The following GAREM1 variants were observed in gnomAD, a reference collection of about 807,000 sequenced individuals.
The protein encoded by GAREM1 is GRB2-associated and regulator of MAPK protein 1.
A neutral mutation model predicts 71.3 loss-of-function variants in GAREM1; 26 were observed. The ratio of observed to expected loss-of-function variants is 0.36; its 90% CI spans 0.27 to 0.51. The LOEUF (loss-of-function observed/expected upper bound fraction) is 0.51. Among genes scored for constraint, GAREM1 ranks in the 20% least tolerant of loss-of-function variants. GAREM1 has a pLI of 0.95. For missense variants in GAREM1, 1,026 were observed against 1,103.1 expected, an observed-to-expected ratio of 0.93 and a Z score of 0.99; for synonymous variants, 440 against 433.2, an observed-to-expected ratio of 1.02 and a Z score of -0.20.
At chr18:32,361,132 C>A (rs2047861187) in intron 2 of GAREM1, among the ~76,000 whole-genome samples, 1 of 152,172 alleles carries the variant, frequency 6.6e-6, no homozygotes, top group African/African-American at 2.4e-5. Flanking sequence ...GTTTTTCTTT[C>A]TTCCCTGACA....
intron 1 of GAREM1, chr18:32,413,327 C>CA (rs2048438495): frequency 1.2e-6 from 1 of 866,422 alleles, no homozygotes; most frequent in East Asian, 2.5e-5. Context: ...GCCTTAAAAA[C>CA]AAAACCACAT....
chr18:32,377,072 C>G (rs2034968), intron 2 of GAREM1, among the ~76,000 whole-genome samples: 31,465 of 151,964 alleles, frequency 0.21, 3,976 homozygotes, highest in African/African-American at 0.35. Flanking sequence ...GCACAAAAAA[C>G]GTTAGGCAAC....
intron 1 of GAREM1, among the ~76,000 whole-genome samples, chr18:32,457,226 A>AGTGTGTGTGTGTGTGT (rs566379367): frequency 6.1e-5 from 5 of 81,924 alleles, no homozygotes; most frequent in African/African-American, 1.3e-4. Flanking sequence ...AGAGAGAGAG[A>AGTGTGTGTGTGTGTGT]GTGTGTGTGT....
chr18:32,424,630 C>T (rs1341776323), intron 1 of GAREM1, among the ~76,000 whole-genome samples: 1 of 152,082 alleles, frequency 6.6e-6, no homozygotes, highest in Non-Finnish European at 1.5e-5. Flanking sequence ...TATCAAGATA[C>T]TGTATATATT....
At chr18:32,269,589 T>C (rs1420046292) in intron 5 of GAREM1, among the ~76,000 whole-genome samples, 2 of 152,240 alleles carry the variant, frequency 1.3e-5, no homozygotes. Flanking sequence ...GGGATGGACC[T>C]ATTTTTGTTT....
At chr18:32,452,954 G>A (rs1021373628) in intron 1 of GAREM1, among the ~76,000 whole-genome samples, 30 of 151,844 alleles carry the variant, frequency 2.0e-4, no homozygotes, top group African/African-American at 7.3e-4. Flanking sequence ...GTGTGCTTGA[G>A]TATGTGTCTT....
chr18:32,290,893 A>C (rs1219347449), intron 3 of GAREM1, among the ~76,000 whole-genome samples: 2 of 152,212 alleles, frequency 1.3e-5, no homozygotes, highest in African/African-American at 4.8e-5. Context: ...GTGAGAATAC[A>C]GCATGATACA....
chr18:32,331,749 G>C (rs1045991665), intron 2 of GAREM1: 2 of 152,064 alleles, frequency 1.3e-5, no homozygotes, highest in Admixed American at 1.3e-4. Context: ...GGTCACAATT[G>C]TATTGTTAGA....
intron 1 of GAREM1, chr18:32,413,097 T>C: frequency 6.5e-7 from 1 of 1,534,002 alleles, no homozygotes. Flanking sequence ...CAGGCTCTCA[T>C]CAGTTGTTTC....
Position 32,268,733 on chromosome 18 carries a change from C to G in GAREM1, c.1769G>C (p.Ser590Thr). 6.2e-7 allele frequency: 1 copy of G among 1,613,984 alleles called. No individual in the cohort carries two copies. The highest frequency in any genetic ancestry group is 1.1e-5 in the South Asian group (1 of 91,062). The change falls in exon 6 of 6, where the codon AGC becomes ACC. Residue 590 changes from serine (S) to threonine (T), a missense_variant. Ser to Thr is a moderately conservative substitution (Grantham distance 58, BLOSUM62 1). Transcript: ENST00000269209. Reference protein sequence around the residue: ...VTKTDTNPSESTPVSCYPCNR... With the variant: ...VTKTDTNPSETTPVSCYPCNR... ...ACATGGATAGCAGGAAACAGGAGTGCTTTCAGAAGGATTTGTGTCAGTTTT... is the reference window on the plus strand; with the variant it reads ...ACATGGATAGCAGGAAACAGGAGTGGTTTCAGAAGGATTTGTGTCAGTTTT...
At position 32,287,011 on chromosome 18, in the gene GAREM1, CA is replaced by C; in HGVS notation, c.1566+19del. The C allele has an allele frequency of 6.3e-7, 1 of 1,577,522 alleles. No homozygotes were observed. Among genetic ancestry groups the C allele is most frequent in the South Asian group, 1.1e-5 (1 of 89,132 alleles). On this transcript the variant is annotated intron_variant, in intron 4 of 5. Transcript: ENST00000269209. The surrounding 1 kb of genome is among the most constrained non-coding windows in gnomAD (Gnocchi z 5.9). Reference sequence around the variant, plus strand: ...GAGACAGAAAGACTGGCACCGCATTCAAAAACAGAAATGACTTACGGCTTCA... The same window carrying C: ...GAGACAGAAAGACTGGCACCGCATTCAAAACAGAAATGACTTACGGCTTCA...
At chr18:32,348,178 ATTTGAG>A (rs2047714078) in intron 2 of GAREM1, among the ~76,000 whole-genome samples, 1 of 152,216 alleles carries the variant, frequency 6.6e-6, no homozygotes, top group African/African-American at 2.4e-5. Context: ...ATTCACAATG[ATTTGAG>A]TTTATGAATT....
chr18:32,337,194 C>A (rs1028231811), intron 2 of GAREM1, among the ~76,000 whole-genome samples: 1 of 152,146 alleles, frequency 6.6e-6, no homozygotes, highest in Non-Finnish European at 1.5e-5. Context: ...AAAATATTTA[C>A]TTTTTAATGG....
At chr18:32,281,854 C>T (rs887939527) in intron 4 of GAREM1, among the ~76,000 whole-genome samples, 14 of 152,006 alleles carry the variant, frequency 9.2e-5, no homozygotes, top group Non-Finnish European at 1.9e-4. Context: ...CTGAAGTAAC[C>T]GAAGAATCAC....
intron 3 of GAREM1, chr18:32,290,295 A>G (rs1467351935): frequency 1.3e-5 from 2 of 152,100 alleles, no homozygotes; most frequent in Non-Finnish European, 2.9e-5. Flanking sequence ...ACTTGTGTTT[A>G]TTCTGACTCA....
intron 1 of GAREM1, among the ~76,000 whole-genome samples, chr18:32,413,789 A>G (rs1267963417): frequency 6.6e-6 from 1 of 152,144 alleles, no homozygotes; most frequent in Non-Finnish European, 1.5e-5. Context: ...ACCCACCAAA[A>G]CAAACCCCAG....
intron 2 of GAREM1, among the ~76,000 whole-genome samples, chr18:32,369,988 G>A (rs1418657833): frequency 2.6e-5 from 4 of 152,198 alleles, no homozygotes; most frequent in Non-Finnish European, 4.4e-5. Context: ...GCTGCTACAC[G>A]CATCACCAGA....
intron 2 of GAREM1, among the ~76,000 whole-genome samples, chr18:32,311,072 T>C (rs1207038033): frequency 1.3e-5 from 2 of 152,362 alleles, no homozygotes; most frequent in East Asian, 3.9e-4. Context: ...ATTTACAGGA[T>C]TTATGAAGAA....
chr18:32,437,671 G>A (rs1172014795), intron 1 of GAREM1, among the ~76,000 whole-genome samples: 3 of 151,682 alleles, frequency 2.0e-5, no homozygotes, highest in South Asian at 2.1e-4. Context: ...CTCTGAATGC[G>A]GAGACAGATT....
Sources: gnomAD v4.1 joint callset for allele counts (sites outside exome capture counted in the v4.1 genomes callset) on GRCh38, gnomAD v4.1.1 for gene constraint, Gnocchi (gnomAD v3.1) non-coding constraint, MANE v1.5 for transcripts, NCBI Gene and HGNC (gene_info 2026-07-23, HGNC 2026-07-21) for gene names.